SLC4A4: variants seen among roughly 807,000 people sequenced by gnomAD.
SLC4A4 encodes electrogenic sodium bicarbonate cotransporter 1.
SLC4A4 carries 27 observed loss-of-function variants against 111.5 expected under a neutral mutation model. The ratio of observed to expected loss-of-function variants is 0.24; its 90% confidence interval spans 0.18 to 0.33. SLC4A4 has a LOEUF of 0.33. Among genes scored for constraint, SLC4A4 ranks in the 10% least tolerant of loss-of-function variants. The pLI, the probability that SLC4A4 is intolerant of heterozygous loss-of-function variation, is 1.00. For synonymous variants in SLC4A4, 443 were observed against 463.4 expected (o/e 0.96, Z 0.57); for missense variants, 909 against 1,315.5 (o/e 0.69, Z 4.78).
chr4:71,524,667 G>A (rs1431147103), intron 16 of SLC4A4, among the ~76,000 whole-genome samples: 1 of 151,194 alleles, frequency 6.6e-6, no homozygotes, highest in Non-Finnish European at 1.5e-5. Context: ...TTTGCATAGT[G>A]CTTTATAGCA....
At chr4:71,110,298 T>G (rs769022392) in intron 2 of SLC4A4, among the ~76,000 whole-genome samples, 6 of 152,122 alleles carry the variant, frequency 3.9e-5, no homozygotes, top group South Asian at 4.2e-4. Flanking sequence ...CACTGCAGCC[T>G]CGACATTCCA....
chr4:71,369,012 C>T (rs915759463), intron 6 of SLC4A4, among the ~76,000 whole-genome samples: 2 of 152,294 alleles, frequency 1.3e-5, no homozygotes, highest in African/African-American at 4.8e-5. Flanking sequence ...TGTCCTCCTC[C>T]TCCTCCTGTC....
intron 3 of SLC4A4, among the ~76,000 whole-genome samples, chr4:71,303,283 C>A (rs907933871): frequency 1.3e-5 from 2 of 152,180 alleles, no homozygotes; most frequent in African/African-American, 2.4e-5. Flanking sequence ...TAAAGAAAAG[C>A]AGATTGGTCA....
At chr4:71,314,259 A>T (rs185013253) in intron 3 of SLC4A4, among the ~76,000 whole-genome samples, 2 of 152,298 alleles carry the variant, frequency 1.3e-5, no homozygotes, top group South Asian at 2.1e-4. Flanking sequence ...ATCACTAAAA[A>T]GTCTGGAAAC....
chr4:71,171,906 A>G (rs954774959), intron 2 of SLC4A4, among the ~76,000 whole-genome samples: 1 of 152,262 alleles, frequency 6.6e-6, no homozygotes, highest in Non-Finnish European at 1.5e-5. Flanking sequence ...ATTTAATCAA[A>G]GAAGCAGTAA....
intron 3 of SLC4A4, among the ~76,000 whole-genome samples, chr4:71,270,902 G>C (rs1362488409): frequency 6.6e-6 from 1 of 152,160 alleles, no homozygotes; most frequent in Non-Finnish European, 1.5e-5. Flanking sequence ...AAAAGCAAAA[G>C]AACAAATTAG....
chr4:71,161,098 A>G (rs553597744), intron 2 of SLC4A4, among the ~76,000 whole-genome samples: 87 of 152,174 alleles, frequency 5.7e-4, no homozygotes, highest in Non-Finnish European at 1.2e-3. Context: ...AGTGTTTCCA[A>G]CTTGACTTTC....
At chr4:71,538,592 C>G (rs946020768) in intron 18 of SLC4A4, among the ~76,000 whole-genome samples, 1 of 152,048 alleles carries the variant, frequency 6.6e-6, no homozygotes, top group East Asian at 1.9e-4. Context: ...TTGTAAAGGG[C>G]CTTAACTGCT....
Position 71,068,524 on chromosome 4 carries a change from C to T in SLC4A4, c.-65+5736C>T, listed in dbSNP as rs60674987. Among the ~76,000 whole-genome samples the T allele has an allele frequency of 4.4e-3, 669 of 152,062 alleles. 7 individuals are homozygous for T. The highest frequency in any genetic ancestry group is 0.016 in the African/African-American group (645 of 41,498). ...ATAACCACTAGTCTGATTTTCATCA[C>T]CATACATTAGTTTTGTCAGGGCAAC... On this transcript the variant is annotated intron_variant, in intron 1 of 26. Transcript: ENST00000649996.
intron 6 of SLC4A4, among the ~76,000 whole-genome samples, chr4:71,390,845 C>T (rs906201018): frequency 6.6e-6 from 1 of 152,098 alleles, no homozygotes; most frequent in Non-Finnish European, 1.5e-5. Flanking sequence ...GGTTTTACCA[C>T]TTGCTATGTG....
chr4:71,463,910 T>C (rs1156960817), intron 12 of SLC4A4, among the ~76,000 whole-genome samples: 1 of 152,184 alleles, frequency 6.6e-6, no homozygotes, highest in East Asian at 1.9e-4. Context: ...TCTTCTTTTG[T>C]ATTGCTCTTT....
chr4:71,334,795 A>G (rs1728300842), intron 3 of SLC4A4, among the ~76,000 whole-genome samples: 1 of 152,176 alleles, frequency 6.6e-6, no homozygotes, highest in Admixed American at 6.5e-5. Flanking sequence ...CTGTCTAATG[A>G]GTAGTGATTC....
chr4:71,324,737 T>C (rs1339943117), intron 3 of SLC4A4, among the ~76,000 whole-genome samples: 1 of 152,056 alleles, frequency 6.6e-6, no homozygotes, highest in Non-Finnish European at 1.5e-5. Context: ...GTAACGTTTT[T>C]GTAATGTAAA....
At position 71,569,073 on chromosome 4, in the gene SLC4A4, A is replaced by G. The variant is rs1412397307; in HGVS notation, c.*1322A>G. The G allele has an allele frequency of 1.3e-5, 2 of 151,604 alleles. No homozygotes were observed. Among genetic ancestry groups the G allele is most frequent in the African/African-American group, 4.8e-5 (2 of 41,356 alleles). 9.4% of individuals were successfully genotyped at this position (151,604 alleles called of 1,614,324 possible). On this transcript the variant is annotated 3_prime_UTR_variant, in exon 26 of 26. Transcript: ENST00000264485. ...GTGCTCTGTGCCATGGCTGGTGTATATATGTGCAATGTTAGAAGGCAAAAG... is the reference window on the plus strand; with the variant it reads ...GTGCTCTGTGCCATGGCTGGTGTATGTATGTGCAATGTTAGAAGGCAAAAG...
chr4:71,481,470 C>A (rs147846587), intron 14 of SLC4A4, among the ~76,000 whole-genome samples: 1 of 151,686 alleles, frequency 6.6e-6, no homozygotes, highest in African/African-American at 2.4e-5. Flanking sequence ...GGTGTGCCAA[C>A]ACTGACACAT....
chr4:71,166,810 T>C (rs532217110), intron 2 of SLC4A4, among the ~76,000 whole-genome samples: 3 of 152,186 alleles, frequency 2.0e-5, no homozygotes, highest in Non-Finnish European at 4.4e-5. Flanking sequence ...TAAACTTCAT[T>C]TGGGTAAGTG....
At chr4:71,273,170 T>C (rs1445242928) in intron 3 of SLC4A4, among the ~76,000 whole-genome samples, 3 of 152,176 alleles carry the variant, frequency 2.0e-5, no homozygotes, top group Non-Finnish European at 4.4e-5. Flanking sequence ...AGATGAAATG[T>C]AGAGAAGTGA....
chr4:71,367,084 G>A (rs567226825), intron 6 of SLC4A4, among the ~76,000 whole-genome samples: 3 of 152,288 alleles, frequency 2.0e-5, no homozygotes, highest in African/African-American at 7.2e-5. Context: ...TGATGGTGAG[G>A]CTCTGCCTCA....
At chr4:71,102,688 A>G (rs1320641738) in intron 2 of SLC4A4, among the ~76,000 whole-genome samples, 10 of 150,646 alleles carry the variant, frequency 6.6e-5, no homozygotes, top group African/African-American at 2.2e-4. Flanking sequence ...TAAGTGAAGG[A>G]GAAATAAAAT....
Sources: allele counts gnomAD v4.1 joint callset (sites outside exome capture counted in the v4.1 genomes callset), GRCh38; gene constraint gnomAD v4.1.1; transcripts MANE v1.5; gene names NCBI Gene and HGNC (gene_info 2026-07-23, HGNC 2026-07-21).